Variants in MGST3 observed in about 807,000 individuals in gnomAD.
MGST3 encodes glutathione S-transferase 3, mitochondrial.
A neutral mutation model predicts 15.8 loss-of-function variants in MGST3; 13 were observed. The ratio of observed to expected loss-of-function variants is 0.82; its 90% CI spans 0.54 to 1.31. MGST3 has a LOEUF of 1.31. MGST3 is among the 50% of genes most tolerant of loss of function. MGST3 has a pLI of 0.00. For missense variants in MGST3, 155 were observed against 192.4 expected (o/e 0.81, Z 1.15); for synonymous variants, 49 against 68.1 (o/e 0.72, Z 1.38).
intron 1 of MGST3, among the ~76,000 whole-genome samples, chr1:165,644,053 T>TTA (rs373277306): frequency 5.1e-5 from 7 of 136,642 alleles, no homozygotes; most frequent in African/African-American, 1.9e-4. Flanking sequence ...GACCCTGTGT[T>TTA]AAAAAAAAAA....
intron 4 of MGST3, 28 bp downstream of exon 4, chr1:165,652,063 T>C (rs757436426): frequency 4.7e-5 from 72 of 1,525,656 alleles, no homozygotes; most frequent in Non-Finnish European, 6.5e-5. Context: ...TGTTCATCTA[T>C]TTGGATAGTA....
chr1:165,651,892 CAAA>C (rs58194137), intron 3 of MGST3, 83 bp from the exon 4 acceptor site: 230 of 472,258 alleles, frequency 4.9e-4, no homozygotes, highest in African/African-American at 1.2e-3. Context: ...CACTCCGTCT[CAAA>C]AAAAAAAAAA....
intron 1 of MGST3, among the ~76,000 whole-genome samples, chr1:165,645,089 A>T (rs2018265): frequency 0.34 from 51,017 of 151,910 alleles, 9,833 homozygotes; most frequent in East Asian, 0.8. Flanking sequence ...TCCTTATTCT[A>T]TAAGATTTTT....
At chr1:165,640,705 T>C (rs1648238947) in intron 1 of MGST3, among the ~76,000 whole-genome samples, 1 of 152,186 alleles carries the variant, frequency 6.6e-6, no homozygotes, top group Non-Finnish European at 1.5e-5. Context: ...AGCATTCTAC[T>C]GAGTTTCTGT....
intron 1 of MGST3, among the ~76,000 whole-genome samples, chr1:165,634,738 G>A (rs1402638933): frequency 2.1e-5 from 2 of 93,288 alleles, no homozygotes; most frequent in Admixed American, 1.1e-4. Flanking sequence ...TCTCAATCAT[G>A]CGCTCTCTCT....
rs983902748 is a variant in MGST3, at chr1:165,655,269, T to C, written c.323-99T>C. On this transcript the variant is annotated intron_variant, in intron 5 of 5. Transcript: ENST00000367889. ...AACCTCCTAAGGCCAGTTTGTCTAATGTACAACCTCAGATGCGATGATAGA... is the reference window on the plus strand; with the variant it reads ...AACCTCCTAAGGCCAGTTTGTCTAACGTACAACCTCAGATGCGATGATAGA... 55 of 1,491,466 alleles carry C rather than the reference T, an allele frequency of 3.7e-5. No individual in the cohort carries two copies. The African/African-American group carries it at 6.5e-4, about 18-fold the overall frequency. The allele number at this position is 1,491,466 out of a possible 1,614,324, so 92.4% of individuals were successfully genotyped here.
At chr1:165,638,046 G>A (rs1000785325) in intron 1 of MGST3, among the ~76,000 whole-genome samples, 2 of 151,936 alleles carry the variant, frequency 1.3e-5, no homozygotes, top group Admixed American at 1.3e-4. Flanking sequence ...TACCCCCCAC[G>A]TCCTATACCC....
chr1:165,649,986 T>C, intron 2 of MGST3, 22 bp downstream of exon 2: 1 of 1,613,600 alleles, frequency 6.2e-7, no homozygotes, highest in Non-Finnish European at 8.5e-7. Context: ...CACAAGCTGG[T>C]GCCCTTGTAG....
At chr1:165,640,939 C>G (rs899498097) in intron 1 of MGST3, among the ~76,000 whole-genome samples, 3 of 152,114 alleles carry the variant, frequency 2.0e-5, no homozygotes, top group African/African-American at 7.2e-5. Flanking sequence ...TCCTAGCACT[C>G]TGGGAGGCTG....
intron 3 of MGST3, 128 bp downstream of exon 3, chr1:165,651,215 A>C (rs941465886): frequency 2.5e-6 from 2 of 792,152 alleles, no homozygotes; most frequent in Non-Finnish European, 4.5e-6. Context: ...CACCTCATTA[A>C]AAGTATTCAA....
intron 2 of MGST3, 112 bp downstream of exon 2, chr1:165,650,076 T>C: frequency 6.6e-7 from 1 of 1,522,220 alleles, no homozygotes; most frequent in Non-Finnish European, 8.9e-7. Flanking sequence ...TTGTGAGAAG[T>C]GGCAGTTTCA....
At chr1:165,632,101 A>T in intron 1 of MGST3, 1 of 710,266 alleles carries the variant, frequency 1.4e-6, no homozygotes, top group South Asian at 1.8e-5. Flanking sequence ...ACTTTCCTTG[A>T]GAGTCACGAG....
At chr1:165,643,057 A>G (rs1306413698) in intron 1 of MGST3, among the ~76,000 whole-genome samples, 3 of 152,212 alleles carry the variant, frequency 2.0e-5, no homozygotes, top group Non-Finnish European at 2.9e-5. Flanking sequence ...TAATCTAGCC[A>G]TCTAGAAATA....
At chr1:165,649,210 C>G (rs1444789963) in intron 1 of MGST3, 1 of 154,826 alleles carries the variant, frequency 6.5e-6, no homozygotes, top group Non-Finnish European at 1.4e-5. Flanking sequence ...CTGCTGCACC[C>G]GCACGTGCCC....
chr1:165,638,028 T>C (rs571071121), intron 1 of MGST3, among the ~76,000 whole-genome samples: 4 of 152,260 alleles, frequency 2.6e-5, no homozygotes, highest in African/African-American at 9.6e-5. Flanking sequence ...GGCCCGGGGC[T>C]TTTCTGCTAC....
At chr1:165,650,468 T>C (rs958612028) in intron 2 of MGST3, 3 of 193,804 alleles carry the variant, frequency 1.5e-5, no homozygotes, top group African/African-American at 7.1e-5. Flanking sequence ...AAGTTGTCCC[T>C]GGTGAGTGGT....
chr1:165,637,386 C>T (rs556484514), intron 1 of MGST3, among the ~76,000 whole-genome samples: 2 of 152,328 alleles, frequency 1.3e-5, no homozygotes, highest in East Asian at 1.9e-4. Context: ...GGTAGTGTCA[C>T]TTCATGGCTC....
rs531867339 is a variant in MGST3 at position 165,655,950 on chromosome 1, A to T, written c.*446A>T. Reference sequence around the variant, plus strand: ...CAAAACCCCATCTCTACAAAAAAATATACAACAGTTAGCCAGGCATGATGG... The same window carrying T: ...CAAAACCCCATCTCTACAAAAAAATTTACAACAGTTAGCCAGGCATGATGG... On this transcript the variant is annotated 3_prime_UTR_variant, in exon 6 of 6. Coordinates refer to ENST00000367889, the MANE Select transcript of MGST3 (RefSeq NM_004528.4). 1 of 214,686 alleles carries T rather than the reference A, an allele frequency of 4.7e-6. No homozygotes were observed. The highest frequency in any genetic ancestry group is 9.4e-6 in the Non-Finnish European group (1 of 106,334). The allele number at this position is 214,686 out of a possible 1,614,324, so 13.3% of individuals were successfully genotyped here.
At chr1:165,632,275 G>T in intron 1 of MGST3, 1 of 1,612,638 alleles carries the variant, frequency 6.2e-7, no homozygotes, top group Non-Finnish European at 8.5e-7. Context: ...GGCTCTGCAG[G>T]TATGTGCTGT....
Sources: allele counts gnomAD v4.1 joint callset (sites outside exome capture counted in the v4.1 genomes callset), GRCh38; gene constraint gnomAD v4.1.1; transcripts MANE v1.5; gene names NCBI Gene and HGNC (gene_info 2026-07-23, HGNC 2026-07-21).